GPC5: variants seen among roughly 807,000 people sequenced by gnomAD.
GPC5 encodes the protein glypican-5.
In GPC5, 47 loss-of-function variants were observed where a neutral mutation model predicts 53.9. That is an observed-to-expected ratio of 0.87 (90% CI 0.69 to 1.11). GPC5 has a LOEUF of 1.11. GPC5 is among the 50% of genes most tolerant of loss of function. GPC5 has a pLI of 0.00. For missense variants in GPC5, 748 were observed against 713.1 expected, an observed-to-expected ratio of 1.05 and a Z score of -0.56; for synonymous variants, 286 against 263.3, an observed-to-expected ratio of 1.09 and a Z score of -0.84.
chr13:91,680,347 A>C (rs1594420784), intron 2 of GPC5, among the ~76,000 whole-genome samples: 1 of 152,082 alleles, frequency 6.6e-6, no homozygotes, highest in Non-Finnish European at 1.5e-5. Context: ...TACTCTGGAG[A>C]CTGAGGCAGG....
At chr13:92,673,484 A>G (rs1314696410) in intron 7 of GPC5, among the ~76,000 whole-genome samples, 3 of 152,032 alleles carry the variant, frequency 2.0e-5, no homozygotes, top group Non-Finnish European at 4.4e-5. Flanking sequence ...GGGTTTCACC[A>G]TGTTGGCCAG....
At chr13:91,482,753 A>G (rs928505322) in intron 2 of GPC5, among the ~76,000 whole-genome samples, 5 of 152,112 alleles carry the variant, frequency 3.3e-5, no homozygotes, top group Admixed American at 2.0e-4. Flanking sequence ...TCAACATGGC[A>G]TCTGTAATGC....
chr13:92,808,405 A>C (rs535501177), intron 7 of GPC5, among the ~76,000 whole-genome samples: 35 of 152,242 alleles, frequency 2.3e-4, no homozygotes, highest in African/African-American at 8.2e-4. Flanking sequence ...TTCTATGCAT[A>C]GGTACATATC....
intron 6 of GPC5, among the ~76,000 whole-genome samples, chr13:92,098,702 C>G (rs1368315647): frequency 6.6e-6 from 1 of 152,112 alleles, no homozygotes; most frequent in Non-Finnish European, 1.5e-5. Flanking sequence ...TTTAATATAG[C>G]AACATTAGTC....
chr13:92,246,856 T>C (rs1473386222), intron 7 of GPC5, among the ~76,000 whole-genome samples: 1 of 152,148 alleles, frequency 6.6e-6, no homozygotes, highest in Non-Finnish European at 1.5e-5. Flanking sequence ...ATTAGTTAAT[T>C]ATAAGAGATT....
intron 7 of GPC5, among the ~76,000 whole-genome samples, chr13:92,188,565 C>T (rs2042200459): frequency 6.6e-6 from 1 of 152,012 alleles, no homozygotes; most frequent in African/African-American, 2.4e-5. Context: ...AAAGTAAGAC[C>T]AGATAAAAAT....
intron 7 of GPC5, among the ~76,000 whole-genome samples, chr13:92,631,117 T>C (rs984268622): frequency 6.6e-6 from 1 of 152,088 alleles, no homozygotes; most frequent in African/African-American, 2.4e-5. Context: ...TAAGATCTTT[T>C]TATATTTTTA....
intron 1 of GPC5, among the ~76,000 whole-genome samples, chr13:91,442,024 A>C (rs972267688): frequency 6.6e-6 from 1 of 152,204 alleles, no homozygotes; most frequent in African/African-American, 2.4e-5. Flanking sequence ...ACTAGAGGAG[A>C]GGTAAATGTT....
intron 6 of GPC5, among the ~76,000 whole-genome samples, chr13:92,066,896 A>G (rs1292618945): frequency 6.6e-6 from 1 of 152,086 alleles, no homozygotes; most frequent in African/African-American, 2.4e-5. Context: ...CTTTAAGCAA[A>G]TGTTAGAAAG....
At chr13:91,549,563 T>C (rs1360526625) in intron 2 of GPC5, among the ~76,000 whole-genome samples, 1 of 152,078 alleles carries the variant, frequency 6.6e-6, no homozygotes, top group African/African-American at 2.4e-5. Context: ...GAATCTACAA[T>C]AAGAACACAA....
intron 5 of GPC5, among the ~76,000 whole-genome samples, chr13:91,836,892 G>T (rs2038728185): frequency 6.6e-6 from 1 of 151,130 alleles, no homozygotes; most frequent in East Asian, 1.9e-4. Context: ...ATTCTATATG[G>T]CAGTTAAATT....
At chr13:92,771,345 A>G (rs143951069) in intron 7 of GPC5, among the ~76,000 whole-genome samples, 6 of 152,036 alleles carry the variant, frequency 3.9e-5, no homozygotes, top group African/African-American at 1.4e-4. Context: ...TTCCTTTATT[A>G]TCCAGTTTTT....
intron 7 of GPC5, among the ~76,000 whole-genome samples, chr13:92,662,402 C>A (rs1196587330): frequency 6.6e-6 from 1 of 152,142 alleles, no homozygotes; most frequent in African/African-American, 2.4e-5. Flanking sequence ...TGCATTTAGA[C>A]TTTCCTTCCA....
intron 7 of GPC5, among the ~76,000 whole-genome samples, chr13:92,381,540 A>G (rs575048043): frequency 6.6e-6 from 1 of 152,228 alleles, no homozygotes; most frequent in South Asian, 2.1e-4. Context: ...GAACACTTCT[A>G]CACTGCTTGT....
At chr13:92,190,789 A>G (rs1280405906) in intron 7 of GPC5, among the ~76,000 whole-genome samples, 1 of 152,132 alleles carries the variant, frequency 6.6e-6, no homozygotes, top group Non-Finnish European at 1.5e-5. Flanking sequence ...CAAAAGGCAG[A>G]AGGTAGAAGA....
At chr13:92,351,849 G>A (rs538288947) in intron 7 of GPC5, among the ~76,000 whole-genome samples, 31 of 152,218 alleles carry the variant, frequency 2.0e-4, no homozygotes, top group Non-Finnish European at 2.9e-4. Context: ...CAATTAAGAC[G>A]TATCACGTTC....
chr13:92,650,564 A>C (rs1594382664), intron 7 of GPC5, among the ~76,000 whole-genome samples: 1 of 152,194 alleles, frequency 6.6e-6, no homozygotes, highest in Non-Finnish European at 1.5e-5. Context: ...AACACAGTGC[A>C]TATACAGGCC....
intron 6 of GPC5, among the ~76,000 whole-genome samples, chr13:92,023,665 G>GACACACACACACACACAC: frequency 7.1e-6 from 1 of 141,226 alleles, no homozygotes; most frequent in South Asian, 2.6e-4. Flanking sequence ...CTTTGCTGAG[G>GACACACACACACACACAC]ACACACACAC....
At chr13:92,752,401 T>C (rs1021839621) in intron 7 of GPC5, among the ~76,000 whole-genome samples, 2 of 152,166 alleles carry the variant, frequency 1.3e-5, no homozygotes, top group African/African-American at 2.4e-5. Context: ...GTAGAGACAA[T>C]GGAAATAGTA....
Sources: allele counts gnomAD v4.1 joint callset (sites outside exome capture counted in the v4.1 genomes callset), GRCh38; gene constraint gnomAD v4.1.1; transcripts MANE v1.5; gene names NCBI Gene and HGNC (gene_info 2026-07-23, HGNC 2026-07-21).